The following ADAM23 variants were observed in gnomAD, a reference collection of about 807,000 sequenced individuals.
ADAM23 encodes the protein ADAM metallopeptidase domain 23.
Under a neutral mutation model 120.1 loss-of-function variants are expected in ADAM23, and 33 were observed. The ratio of observed to expected loss-of-function variants is 0.27; its 90% confidence interval spans 0.21 to 0.37. The LOEUF (loss-of-function observed/expected upper bound fraction) is 0.37, where lower values mean the gene tolerates loss of function less well. Among genes scored for constraint, ADAM23 ranks in the 10% least tolerant of loss-of-function variants. ADAM23 has a pLI of 1.00. For synonymous variants in ADAM23, 367 were observed against 375.2 expected, an observed-to-expected ratio of 0.98 and a Z score of 0.25; for missense variants, 862 against 1,058.2, an observed-to-expected ratio of 0.81 and a Z score of 2.57.
chr2:206,587,724 ATAAC>A (rs1327133238), intron 19 of ADAM23, among the ~76,000 whole-genome samples: 5 of 152,284 alleles, frequency 3.3e-5, no homozygotes, highest in Non-Finnish European at 5.9e-5. Flanking sequence ...AAGCCATATT[ATAAC>A]CTACAGGTGA....
At chr2:206,569,745 G>C (rs754005544) in intron 15 of ADAM23, among the ~76,000 whole-genome samples, 15 of 152,152 alleles carry the variant, frequency 9.9e-5, no homozygotes, top group Middle Eastern at 3.2e-3. Flanking sequence ...TTTTCCACAG[G>C]GGGAGTCCCA....
chr2:206,506,264 T>C (rs1001596240), intron 3 of ADAM23, among the ~76,000 whole-genome samples: 6 of 152,202 alleles, frequency 3.9e-5, no homozygotes, highest in Admixed American at 2.6e-4. Flanking sequence ...TTATTCTTTG[T>C]CATATTTAAG....
chr2:206,589,608 T>C (rs1218775300), intron 21 of ADAM23, 94 bp downstream of exon 21: 3 of 998,318 alleles, frequency 3.0e-6, no homozygotes, highest in Non-Finnish European at 4.3e-6. Context: ...AATGATTTTT[T>C]TCTAAGTGTT....
chr2:206,550,197 G>T, intron 9 of ADAM23, 37 bp downstream of exon 9: 1 of 1,284,806 alleles, frequency 7.8e-7, no homozygotes, highest in South Asian at 1.4e-5. Flanking sequence ...AGAACAGATA[G>T]CTTACTTAAG....
chr2:206,582,689 G>A (rs1195734084), intron 18 of ADAM23, among the ~76,000 whole-genome samples: 1 of 152,170 alleles, frequency 6.6e-6, no homozygotes, highest in Non-Finnish European at 1.5e-5. Context: ...CTGTTTTGAT[G>A]TGTTTCCAGG....
chr2:206,515,629 AT>A (rs1696714868), intron 3 of ADAM23, among the ~76,000 whole-genome samples: 1 of 152,092 alleles, frequency 6.6e-6, no homozygotes, highest in South Asian at 2.1e-4. Flanking sequence ...ATTTCGTGAA[AT>A]TTTTGAACTT....
At chr2:206,532,866 C>T (rs1331822270) in intron 4 of ADAM23, among the ~76,000 whole-genome samples, 6 of 152,166 alleles carry the variant, frequency 3.9e-5, no homozygotes, top group East Asian at 1.9e-4. Context: ...CTTCCAGATA[C>T]GTTTTGAATA....
intron 2 of ADAM23, among the ~76,000 whole-genome samples, chr2:206,477,682 T>G (rs1157150005): frequency 6.6e-6 from 1 of 151,980 alleles, no homozygotes; most frequent in Non-Finnish European, 1.5e-5. Flanking sequence ...CACTGTATAG[T>G]TCCTTTGTAA....
At chr2:206,606,012 A>G in intron 24 of ADAM23, 1 of 557,972 alleles carries the variant, frequency 1.8e-6, no homozygotes, top group South Asian at 2.3e-5. Flanking sequence ...TGTGACTTGG[A>G]TGTTGCTTGT....
At chr2:206,517,117 T>C (rs1696750672) in intron 3 of ADAM23, among the ~76,000 whole-genome samples, 1 of 152,204 alleles carries the variant, frequency 6.6e-6, no homozygotes, top group Admixed American at 6.5e-5. Context: ...TGTAAAGCTC[T>C]GTTTGAAATA....
At chr2:206,539,154 G>A (rs911974980) in intron 4 of ADAM23, among the ~76,000 whole-genome samples, 2 of 152,220 alleles carry the variant, frequency 1.3e-5, no homozygotes, top group Non-Finnish European at 2.9e-5. Flanking sequence ...GGCTTGTGGA[G>A]TGTTCAGCTA....
rs571312392 is a variant in ADAM23, at chr2:206,533,021, C to CAT, written c.573+2086_573+2087dup. Reference sequence around the variant, plus strand: ...TAAATTCATATTCCCACCACCATTACATATATATATATATTTTTAAAGCAT... The same window carrying CAT: ...TAAATTCATATTCCCACCACCATTACATATATATATATATATTTTTAAAGCAT... On this transcript the variant is annotated intron_variant, in intron 4 of 25. Transcript: ENST00000264377. Among the ~76,000 whole-genome samples the CAT allele has an allele frequency of 2.4e-3, 362 of 151,118 alleles. 1 individual carries two copies. Among genetic ancestry groups the CAT allele is most frequent in the Non-Finnish European group, 3.7e-3 (250 of 67,750 alleles).
chr2:206,470,453 T>C (rs1197114600), intron 2 of ADAM23, among the ~76,000 whole-genome samples: 1 of 152,112 alleles, frequency 6.6e-6, no homozygotes, highest in Non-Finnish European at 1.5e-5. Flanking sequence ...ACAGGTTGAG[T>C]GGTTGATCGT....
rs560065391 is a variant in ADAM23 at position 206,526,546 on chromosome 2, T to G, written c.510-4339T>G. On this transcript the variant is annotated intron_variant, in intron 3 of 25. Transcript: ENST00000264377. ...GTTATGCCATCTGGAGCATGTGGCT[T>G]CCAGGGTTGCCATGGAAGAGAGGGC... Among the ~76,000 whole-genome samples, 12 of 152,294 alleles carry G rather than the reference T, an allele frequency of 7.9e-5. No homozygotes were observed. In the South Asian group the frequency reaches 2.5e-3, roughly 32 times the overall value.
chr2:206,448,736 T>C (rs1695132665), intron 2 of ADAM23, among the ~76,000 whole-genome samples: 1 of 152,210 alleles, frequency 6.6e-6, no homozygotes, highest in African/African-American at 2.4e-5. Context: ...TGGAAACTTT[T>C]GGATAGCTGA....
chr2:206,585,201 G>A (rs1169172204), intron 18 of ADAM23, among the ~76,000 whole-genome samples: 2 of 152,142 alleles, frequency 1.3e-5, no homozygotes, highest in African/African-American at 4.8e-5. Flanking sequence ...TGCCCTGTCC[G>A]GAGCTGCAAT....
chr2:206,549,871 C>G (rs1164475336), intron 8 of ADAM23, among the ~76,000 whole-genome samples: 2 of 151,830 alleles, frequency 1.3e-5, no homozygotes, highest in Non-Finnish European at 2.9e-5. Flanking sequence ...AAGTAAGTAC[C>G]TTAATGATAA....
intron 2 of ADAM23, among the ~76,000 whole-genome samples, chr2:206,447,294 A>G (rs1439148139): frequency 1.3e-5 from 2 of 152,234 alleles, no homozygotes; most frequent in Admixed American, 6.5e-5. Flanking sequence ...GAATGTTTCT[A>G]CAGAAATCGT....
At chr2:206,513,381 T>G (rs1175266595) in intron 3 of ADAM23, among the ~76,000 whole-genome samples, 1 of 149,758 alleles carries the variant, frequency 6.7e-6, no homozygotes, top group African/African-American at 2.4e-5. Context: ...AGTTTTAATG[T>G]TCTGGATAGA....
Sources: allele counts gnomAD v4.1 joint callset (sites outside exome capture counted in the v4.1 genomes callset), GRCh38; gene constraint gnomAD v4.1.1; transcripts MANE v1.5; gene names NCBI Gene and HGNC (gene_info 2026-07-23, HGNC 2026-07-21).